RPA3: variants seen among roughly 807,000 people sequenced by gnomAD.
The protein encoded by RPA3 is replication protein A 14 kDa subunit.
In RPA3, 24 loss-of-function variants were observed where a neutral mutation model predicts 13.7. The ratio of observed to expected loss-of-function variants is 1.75; its 90% CI spans 1.27 to 2.46. The LOEUF (loss-of-function observed/expected upper bound fraction) is 2.46, where lower values mean the gene tolerates loss of function less well. RPA3 is among the 30% of genes most tolerant of loss of function. The probability of loss-of-function intolerance (pLI) is 0.00; values close to 1 mark genes in which losing one functional copy is unlikely to be tolerated. For missense variants in RPA3, 183 were observed against 151.0 expected (o/e 1.21, Z -1.11); for synonymous variants, 59 against 51.2 (o/e 1.15, Z -0.65).
intron 4 of RPA3, among the ~76,000 whole-genome samples, chr7:7,684,025 C>T (rs1779980272): frequency 6.6e-6 from 1 of 152,200 alleles, no homozygotes; most frequent in Admixed American, 6.5e-5. Flanking sequence ...GCTCAACGCT[C>T]TGATATAAAA....
At chr7:7,675,334 T>G (rs1779712424) in intron 4 of RPA3, among the ~76,000 whole-genome samples, 1 of 152,202 alleles carries the variant, frequency 6.6e-6, no homozygotes. Flanking sequence ...CTCTGCCACT[T>G]TGTAGGATTT....
intron 4 of RPA3, among the ~76,000 whole-genome samples, chr7:7,665,185 T>G (rs1221141020): frequency 3.9e-5 from 6 of 152,148 alleles, no homozygotes; most frequent in Non-Finnish European, 7.4e-5. Flanking sequence ...CTAATCCTTT[T>G]GTCATGGATA....
chr7:7,666,134 G>C (rs532765279), intron 4 of RPA3, among the ~76,000 whole-genome samples: 2 of 152,134 alleles, frequency 1.3e-5, no homozygotes, highest in African/African-American at 4.8e-5. Context: ...GTGTACAAGA[G>C]TTCCAGTTGC....
At chr7:7,671,211 G>T (rs1236764653) in intron 4 of RPA3, among the ~76,000 whole-genome samples, 1 of 152,216 alleles carries the variant, frequency 6.6e-6, no homozygotes, top group Non-Finnish European at 1.5e-5. Flanking sequence ...AGCTTCGTGT[G>T]TCAATAGCCA....
intron 4 of RPA3, chr7:7,673,226 C>G: frequency 1.2e-6 from 1 of 849,118 alleles, no homozygotes; most frequent in Non-Finnish European, 1.9e-6. Flanking sequence ...ATTGTTATAT[C>G]GTTATGCTGA....
intron 4 of RPA3, among the ~76,000 whole-genome samples, chr7:7,670,503 C>T (rs973487192): frequency 5.3e-5 from 8 of 152,148 alleles, no homozygotes; most frequent in Non-Finnish European, 7.4e-5. Flanking sequence ...CCTAACGATT[C>T]GGTGGTTCTC....
At chr7:7,676,826 G>T (rs1309691343) in intron 4 of RPA3, among the ~76,000 whole-genome samples, 1 of 152,140 alleles carries the variant, frequency 6.6e-6, no homozygotes, top group African/African-American at 2.4e-5. Context: ...GACAGATAAA[G>T]ATCTTGACAG....
intron 2 of RPA3, among the ~76,000 whole-genome samples, chr7:7,699,605 A>C (rs1354421968): frequency 6.6e-6 from 1 of 152,192 alleles, no homozygotes; most frequent in Non-Finnish European, 1.5e-5. Flanking sequence ...TCTTGGAAAT[A>C]GATTTAGTTC....
At chr7:7,645,054 A>G (rs1785063542) in intron 4 of RPA3, among the ~76,000 whole-genome samples, 1 of 152,182 alleles carries the variant, frequency 6.6e-6, no homozygotes, top group Non-Finnish European at 1.5e-5. Context: ...TGTTGCTATT[A>G]TGAATGGTAT....
rs565087800 is a variant in RPA3 at position 7,707,909 on chromosome 7, C to T, written c.-1028+7266G>A. Among the ~76,000 whole-genome samples the T allele has an allele frequency of 2.0e-5, 3 of 152,298 alleles. No individual in the cohort carries two copies. In the East Asian group the frequency reaches 5.8e-4, roughly 29 times the overall value. On this transcript the variant is annotated intron_variant, in intron 2 of 7. Transcript: ENST00000223129. ...ACATTGAGGCTGCTTTCCACAATGCCTTGTTGCCCAGACAGTGATGTCATG... is the reference window on the plus strand; with the variant it reads ...ACATTGAGGCTGCTTTCCACAATGCTTTGTTGCCCAGACAGTGATGTCATG...
chr7:7,703,861 G>A (rs745322313), intron 2 of RPA3, among the ~76,000 whole-genome samples: 1 of 152,118 alleles, frequency 6.6e-6, no homozygotes, highest in Non-Finnish European at 1.5e-5. Flanking sequence ...AGGATTGCTT[G>A]AGCCTGGGAG....
intron 2 of RPA3, among the ~76,000 whole-genome samples, chr7:7,713,631 GT>G (rs28912687): frequency 0.063 from 9,522 of 151,692 alleles, 395 homozygotes; most frequent in East Asian, 0.094. Context: ...TTTCTTTGGA[GT>G]TTATTTTGTT....
chr7:7,691,354 A>G (rs1471844732), intron 2 of RPA3, among the ~76,000 whole-genome samples: 3 of 152,214 alleles, frequency 2.0e-5, no homozygotes, highest in East Asian at 1.9e-4. Context: ...TCATTATTTT[A>G]TATTCAATTA....
At chr7:7,669,150 A>G (rs537920856) in intron 4 of RPA3, among the ~76,000 whole-genome samples, 2 of 152,232 alleles carry the variant, frequency 1.3e-5, no homozygotes, top group Admixed American at 1.3e-4. Context: ...TTTGTATAGG[A>G]AAAAACATAC....
chr7:7,639,782 G>A (rs1784923328), intron 5 of RPA3: 1 of 157,914 alleles, frequency 6.3e-6, no homozygotes, highest in Non-Finnish European at 1.4e-5. Flanking sequence ...AGCTTTTCAG[G>A]TCACTGATTC....
chr7:7,637,967 A>G lies in RPA3; in HGVS notation c.180T>C (p.Asp60=), dbSNP rs1784893313. ...NGTIELMEPL[D]EEISGIVEVV... Reference sequence around the variant, plus strand: ...CTTCCACAATTCCAGAGATTTCTTCATCAAGCTAAGACACAGAACAAGACA... The same window carrying G: ...CTTCCACAATTCCAGAGATTTCTTCGTCAAGCTAAGACACAGAACAAGACA... Residue 60 remains aspartate, a synonymous_variant, in exon 7 of 8, where the codon GAT becomes GAC. Coordinates refer to ENST00000223129, the MANE Select transcript of RPA3 (RefSeq NM_002947.5). 6.2e-7 allele frequency: 1 copy of G among 1,612,826 alleles called. No homozygotes were observed. The highest frequency in any genetic ancestry group is 8.5e-7 in the Non-Finnish European group (1 of 1,179,146).
At chr7:7,658,972 T>C (rs1484982630) in intron 4 of RPA3, among the ~76,000 whole-genome samples, 1 of 152,208 alleles carries the variant, frequency 6.6e-6, no homozygotes, top group African/African-American at 2.4e-5. Context: ...AATTACTGCC[T>C]CAATTTCAGA....
At chr7:7,680,633 A>G (rs998585457) in intron 4 of RPA3, among the ~76,000 whole-genome samples, 1 of 152,046 alleles carries the variant, frequency 6.6e-6, no homozygotes. Flanking sequence ...TTTGGGTAGT[A>G]TGGACATTTT....
rs538921224 is a variant in RPA3, at chr7:7,673,367, C to T, written c.-758+12463G>A. 14 of 1,105,544 alleles carry T rather than the reference C, an allele frequency of 1.3e-5. No homozygotes were observed. The South Asian group carries it at 1.8e-4, about 14-fold the overall frequency. 68.5% of individuals were successfully genotyped at this position (1,105,544 alleles called of 1,614,324 possible). ...GCAGCAGCAGCAGCAGCAGCAGCAG[C>T]AGCAATGTTTCACTTCTTCAGAAAG... On this transcript the variant is annotated intron_variant, in intron 4 of 7. Transcript: ENST00000223129.
Sources: gnomAD v4.1 joint callset for allele counts (sites outside exome capture counted in the v4.1 genomes callset) on GRCh38, gnomAD v4.1.1 for gene constraint, MANE v1.5 for transcripts, NCBI Gene and HGNC (gene_info 2026-07-23, HGNC 2026-07-21) for gene names.